The following APBB2 variants were observed in gnomAD, a reference collection of about 807,000 sequenced individuals.
APBB2 encodes Fe65-like 1.
In APBB2, 38 loss-of-function variants were observed where a neutral mutation model predicts 82.5. The observed-to-expected ratio is 0.46, with a 90% CI of 0.36 to 0.60. The LOEUF (loss-of-function observed/expected upper bound fraction) is 0.60. Among genes scored for constraint, APBB2 ranks in the 20% least tolerant of loss-of-function variants. The pLI, the probability that APBB2 is intolerant of heterozygous loss-of-function variation, is 0.00. For missense variants in APBB2, 772 were observed against 972.3 expected, an observed-to-expected ratio of 0.79 and a Z score of 2.74; for synonymous variants, 341 against 368.2, an observed-to-expected ratio of 0.93 and a Z score of 0.85.
At chr4:41,048,969 A>G (rs1259974564) in intron 4 of APBB2, among the ~76,000 whole-genome samples, 2 of 152,086 alleles carry the variant, frequency 1.3e-5, no homozygotes, top group Non-Finnish European at 2.9e-5. Context: ...TCAGTGCTCA[A>G]TGTTACCCAG....
intron 12 of APBB2, among the ~76,000 whole-genome samples, chr4:40,871,463 T>C (rs73148550): frequency 0.05 from 7,647 of 152,254 alleles, 665 homozygotes; most frequent in African/African-American, 0.18. Flanking sequence ...TTTTCTGAAG[T>C]TTCCTCTTCC....
chr4:40,869,786 C>T (rs920892556), intron 12 of APBB2, among the ~76,000 whole-genome samples: 5 of 151,994 alleles, frequency 3.3e-5, no homozygotes, highest in Non-Finnish European at 7.4e-5. Context: ...TATATAATTG[C>T]TTACTTTTCT....
chr4:40,812,148 A>C lies in APBB2; in HGVS notation c.*3944T>G, dbSNP rs758861282. 1.3e-5 allele frequency: 2 copies of C among 152,238 alleles called. No individual in the cohort carries two copies. Among genetic ancestry groups the C allele is most frequent in the Non-Finnish European group, 2.9e-5 (2 of 68,040 alleles). The allele number at this position is 152,238 out of a possible 1,614,324, so 9.4% of individuals were successfully genotyped here. On this transcript the variant is annotated 3_prime_UTR_variant, in exon 18 of 18. Coordinates refer to ENST00000508593, the MANE Select transcript of APBB2 (RefSeq NM_004307.2). ...TTACTTCCTAGTTCTTACCAGGCAGAAATATGTAGTAACTAATCAAAGCAA... is the reference window on the plus strand; with the variant it reads ...TTACTTCCTAGTTCTTACCAGGCAGCAATATGTAGTAACTAATCAAAGCAA...
chr4:40,912,047 C>T (rs563992136), intron 10 of APBB2, among the ~76,000 whole-genome samples: 7 of 152,308 alleles, frequency 4.6e-5, no homozygotes, highest in Non-Finnish European at 8.8e-5. Context: ...GGGACAAGCA[C>T]AGAATGCAAT....
rs548869689 is a variant in APBB2, at chr4:40,894,198, G to T, written c.1255-787C>A. On this transcript the variant is annotated intron_variant, in intron 10 of 17. Transcript: ENST00000508593. ...GGCTACTCAGGAGGCTGAAGCAGAA[G>T]AATGGCGTGAACCCGGAAGGCAGAG... Among the ~76,000 whole-genome samples, 5 of 151,166 alleles carry T rather than the reference G, an allele frequency of 3.3e-5. No individual in the cohort carries two copies. In the South Asian group the frequency reaches 1.0e-3, roughly 32 times the overall value.
chr4:40,998,410 T>C (rs768539715), intron 6 of APBB2, among the ~76,000 whole-genome samples: 1 of 152,182 alleles, frequency 6.6e-6, no homozygotes, highest in Non-Finnish European at 1.5e-5. Context: ...GCAAACAAGC[T>C]TATTATTATC....
intron 3 of APBB2, among the ~76,000 whole-genome samples, chr4:41,098,753 G>A (rs2153966017): frequency 6.6e-6 from 1 of 152,252 alleles, no homozygotes; most frequent in East Asian, 1.9e-4. Context: ...TTATTTGAAA[G>A]GCAGCTTAAG....
chr4:40,870,955 C>T (rs893622541), intron 12 of APBB2, among the ~76,000 whole-genome samples: 1 of 151,928 alleles, frequency 6.6e-6, no homozygotes, highest in African/African-American at 2.4e-5. Flanking sequence ...CCCGCCTTGG[C>T]CTCCCAAAGT....
intron 6 of APBB2, among the ~76,000 whole-genome samples, chr4:40,984,720 A>T (rs541314507): frequency 9.8e-4 from 150 of 152,294 alleles, no homozygotes; most frequent in African/African-American, 3.4e-3. Context: ...AATTCAGTGC[A>T]TTGCTTATTC....
chr4:41,144,843 G>T (rs1375956924), intron 1 of APBB2, among the ~76,000 whole-genome samples: 1 of 152,246 alleles, frequency 6.6e-6, no homozygotes, highest in East Asian at 1.9e-4. Context: ...AACGGGCTGG[G>T]CATGGTGGCT....
rs114084980 is a variant in APBB2, at chr4:41,213,594, G to C, written c.-417+811C>G. Among the ~76,000 whole-genome samples, 1,322 of 152,336 alleles carry C rather than the reference G, an allele frequency of 8.7e-3. 17 individuals are homozygous for C. Among genetic ancestry groups the C allele is most frequent in the African/African-American group, 0.031 (1,280 of 41,572 alleles). ...GTCTACACCACTTCACCGACGTGAA[G>C]ACCACCTTTCATTGTTTCTATGGGT... On this transcript the variant is annotated intron_variant, in intron 1 of 17. Transcript: ENST00000508593.
chr4:40,923,799 G>C (rs966158081), intron 10 of APBB2, among the ~76,000 whole-genome samples: 8 of 152,174 alleles, frequency 5.3e-5, no homozygotes, highest in Non-Finnish European at 8.8e-5. Flanking sequence ...AAAACTCGGG[G>C]ACTCACACAC....
intron 2 of APBB2, among the ~76,000 whole-genome samples, chr4:41,141,387 T>C (rs1359988836): frequency 6.6e-6 from 1 of 152,132 alleles, no homozygotes; most frequent in African/African-American, 2.4e-5. Flanking sequence ...TGCGTGTGCA[T>C]GTGTGCATAT....
chr4:41,138,413 T>C (rs1024127329), intron 2 of APBB2, among the ~76,000 whole-genome samples: 4 of 152,182 alleles, frequency 2.6e-5, no homozygotes, highest in Non-Finnish European at 2.9e-5. Flanking sequence ...CAGTATTTCA[T>C]TGTTGGGGGG....
intron 12 of APBB2, among the ~76,000 whole-genome samples, chr4:40,851,349 T>G (rs955232495): frequency 2.7e-4 from 41 of 152,286 alleles, no homozygotes; most frequent in African/African-American, 9.6e-4. Flanking sequence ...GGCAGCCATG[T>G]GGACGTCTGC....
intron 10 of APBB2, among the ~76,000 whole-genome samples, chr4:40,901,877 G>A (rs1775385756): frequency 6.6e-6 from 1 of 150,748 alleles, no homozygotes; most frequent in Non-Finnish European, 1.5e-5. Flanking sequence ...GCTTCAGGAA[G>A]TTCTAAACAC....
chr4:41,169,074 ACT>A (rs919692475), intron 1 of APBB2, among the ~76,000 whole-genome samples: 6 of 151,382 alleles, frequency 4.0e-5, no homozygotes, highest in Non-Finnish European at 7.4e-5. Context: ...AGTCCTAGCT[ACT>A]CAGGAGGCTG....
At chr4:40,884,294 G>A (rs1769561259) in intron 12 of APBB2, among the ~76,000 whole-genome samples, 1 of 152,108 alleles carries the variant, frequency 6.6e-6, no homozygotes, top group South Asian at 2.1e-4. Context: ...TAATACTAAA[G>A]CACCTTTTAA....
rs1462241700 is a variant in APBB2 at position 41,127,670 on chromosome 4, C to T, written c.-261+15317G>A. 6.6e-6 allele frequency among the ~76,000 whole-genome samples: 1 copy of T among 152,142 alleles called. No individual in the cohort carries two copies. Among genetic ancestry groups the T allele is most frequent in the East Asian group, 1.9e-4 (1 of 5,198 alleles). ...TTAAACAATTCAATAAGCAAAAAAA[C>T]AAATAACTCCATTAAAAAGTGGGCA... is the stretch of plus-strand genomic sequence containing the variant. On this transcript the variant is annotated intron_variant, in intron 2 of 17. Transcript: ENST00000508593. The surrounding 1 kb of genome is among the most constrained non-coding windows in gnomAD (Gnocchi z 4.8).
Sources: allele counts gnomAD v4.1 joint callset (sites outside exome capture counted in the v4.1 genomes callset), GRCh38; gene constraint gnomAD v4.1.1; non-coding constraint Gnocchi (gnomAD v3.1); transcripts MANE v1.5; gene names NCBI Gene and HGNC (gene_info 2026-07-23, HGNC 2026-07-21).